Variants in PCSK1N observed in about 807,000 individuals in gnomAD.
PCSK1N encodes proprotein convertase subtilisin/kexin type 1 inhibitor, also known as proSAAS.
In PCSK1N, 8 loss-of-function variants were observed where a neutral mutation model predicts 10.6. The observed-to-expected ratio is 0.76, with a 90% CI of 0.44 to 1.37. PCSK1N has a LOEUF of 1.37. PCSK1N is among the 40% of genes most tolerant of loss of function. The probability of loss-of-function intolerance (pLI) is 0.00; values close to 1 mark genes in which losing one functional copy is unlikely to be tolerated. For synonymous variants in PCSK1N, 143 were observed against 137.1 expected (o/e 1.04, Z -0.30); for missense variants, 301 against 268.5 (o/e 1.12, Z -0.84).
intron 1 of PCSK1N, among the ~76,000 whole-genome samples, chrX:48,833,895 G>C (rs1404755527): frequency 9.0e-6 from 1 of 110,854 alleles, no homozygotes; most frequent in Non-Finnish European, 1.9e-5. Context: ...ATAGAGCCAA[G>C]GGAAAAAAAA....
In PCSK1N at chrX:48,831,204, T is replaced by C; in HGVS notation, c.*56A>G. The C allele has an allele frequency of 1.0e-6, 1 of 994,005 alleles. No individual in the cohort carries two copies. The highest frequency in any genetic ancestry group is 1.3e-6 in the Non-Finnish European group (1 of 743,197). 81.9% of individuals were successfully genotyped at this position (994,005 alleles called of 1,213,427 possible). ...ACGTGCTGGCGGGGAGCAGTCCTGG[T>C]GGCGGGATGGCGGGGGCACTTCTGG... On this transcript the variant is annotated 3_prime_UTR_variant, in exon 3 of 3. Coordinates refer to ENST00000218230, the MANE Select transcript of PCSK1N (RefSeq NM_013271.5).
chrX:48,832,805 TCAAA>T (rs1403661465), intron 1 of PCSK1N, among the ~76,000 whole-genome samples: 1 of 110,964 alleles, frequency 9.0e-6, no homozygotes, highest in Non-Finnish European at 1.9e-5. Context: ...CAAGCAGTTT[TCAAA>T]CAATTTCCAC....
rs782001817 is a variant in PCSK1N, at chrX:48,832,193, T to A, written c.263A>T (p.Gln88Leu). Residue 88 changes from glutamine to leucine, a missense_variant, in exon 2 of 3, where the codon CAG (glutamine) becomes CTG (leucine). Gln to Leu is a moderately radical substitution (Grantham distance 113). Coordinates refer to ENST00000218230, the MANE Select transcript of PCSK1N (RefSeq NM_013271.5). ...ALAHLLEAERQERARAEAQEA... is the reference protein window; with the variant it reads ...ALAHLLEAERLERARAEAQEA... ...CTGCGCCTCGGCCCGCGCCCGCTCCTGACGTTCGGCCTCCAGCAGATGCGC... is the reference window on the plus strand; with the variant it reads ...CTGCGCCTCGGCCCGCGCCCGCTCCAGACGTTCGGCCTCCAGCAGATGCGC... 1.7e-6 allele frequency: 2 copies of A among 1,160,329 alleles called. No individual in the cohort carries two copies. The highest frequency in any genetic ancestry group is 2.3e-6 in the Non-Finnish European group (2 of 876,208).
At chrX:48,832,571 G>T (rs1557033693) in intron 1 of PCSK1N, among the ~76,000 whole-genome samples, 1 of 28,343 alleles carries the variant, frequency 3.5e-5, no homozygotes, top group African/African-American at 1.5e-4. Flanking sequence ...CCCACAGCGC[G>T]CCAGTGATCC....
chrX:48,831,385 G>A lies in PCSK1N; in HGVS notation c.658C>T (p.Arg220Cys). The A allele has an allele frequency of 9.0e-7, 1 of 1,107,326 alleles. No individual in the cohort carries two copies. Among genetic ancestry groups the A allele is most frequent in the Admixed American group, 3.2e-5 (1 of 31,660 alleles). The allele number at this position is 1,107,326 out of a possible 1,213,427, so 91.3% of individuals were successfully genotyped here. A position where few individuals can be genotyped will look rare whatever the true frequency, so the allele number is the denominator to read the frequency against. The stretch of plus-strand genomic sequence containing the variant: ...GAGCCCACATCGTGGTCGGCGGCAC[G>A]GCGGAGGCGGCGCGGGGCTGCCACC... ...EGVAAPRRLR[R>C]AADHDVGSEL... The change falls in exon 3 of 3, where the codon CGT becomes TGT. Residue 220 changes from arginine to cysteine, a missense_variant. Coordinates refer to ENST00000218230, the MANE Select transcript of PCSK1N (RefSeq NM_013271.5).
Position 48,832,095 on chromosome X carries a change from G to A in PCSK1N, c.361C>T (p.Pro121Ser). 1 of 1,124,505 alleles carries A rather than the reference G, an allele frequency of 8.9e-7. No individual in the cohort carries two copies. 92.7% of individuals were successfully genotyped at this position (1,124,505 alleles called of 1,213,427 possible). A position where few individuals can be genotyped will look rare whatever the true frequency, so the allele number is the denominator to read the frequency against. The change falls in exon 2 of 3, where the codon CCG becomes TCG. Residue 121 changes from proline (P) to serine (S), a missense_variant. Physicochemically the swap from Pro to Ser is moderately conservative, Grantham distance 74. Transcript: ENST00000218230. ...RVWGAPRNSD[P>S]ALGLDDDPDA... Reference sequence around the variant, plus strand: ...GGGTCGTCGTCCAGGCCCAGAGCCGGATCAGAGTTGCGGGGGGCGCCCCAG... The same window carrying A: ...GGGTCGTCGTCCAGGCCCAGAGCCGAATCAGAGTTGCGGGGGGCGCCCCAG...
At chrX:48,832,363 GAA>G (rs1800698131) in intron 1 of PCSK1N, 22 bp from the exon 2 acceptor site, 8 of 1,084,047 alleles carry the variant, frequency 7.4e-6, no homozygotes, top group Middle Eastern at 2.9e-4. Context: ...TGAGGTGGGG[GAA>G]AAGAGTTTGT....
Position 48,835,443 on chromosome X carries a change from G to T in PCSK1N, c.90C>A (p.Pro30=). The change falls in exon 1 of 3, where the codon CCC becomes CCA. Residue 30 remains proline (P), a synonymous_variant. Transcript: ENST00000218230. Reference sequence around the variant, plus strand: ...CCTTTACCGGCCGCGCGCAGAGCGCGGGGGGCGGCCGAAACAGGCCGAGCA... The same window carrying T: ...CCTTTACCGGCCGCGCGCAGAGCGCTGGGGGCGGCCGAAACAGGCCGAGCA... ...LLLLGLFRPP[P]ALCARPVKEP... 2.1e-6 allele frequency: 2 copies of T among 953,745 alleles called. No homozygotes were observed. The highest frequency in any genetic ancestry group is 4.4e-4 in the Middle Eastern group (1 of 2,284). 78.6% of individuals were successfully genotyped at this position (953,745 alleles called of 1,213,427 possible).
intron 2 of PCSK1N, 94 bp from the exon 3 acceptor site, chrX:48,831,549 C>T (rs1478494371): frequency 5.8e-6 from 4 of 691,550 alleles, no homozygotes; most frequent in Non-Finnish European, 7.9e-6. Context: ...TCCACAACCA[C>T]ATACTGCCTG....
chrX:48,833,908 G>A lies in PCSK1N; in HGVS notation c.114+1511C>T, dbSNP rs144002765. On this transcript the variant is annotated intron_variant, in intron 1 of 2. Coordinates refer to ENST00000218230, the MANE Select transcript of PCSK1N (RefSeq NM_013271.5). ...GAATAGAGCCAAGGGAAAAAAAAAC[G>A]TCAAGTTCCAGAATTTCACTGCAGA... Among the ~76,000 whole-genome samples the A allele has an allele frequency of 8.1e-5, 9 of 111,410 alleles. No homozygotes were observed. The South Asian group carries it at 1.5e-3, about 19-fold the overall frequency.
chrX:48,835,317 G>A (rs2063183443), intron 1 of PCSK1N, 102 bp downstream of exon 1: 1 of 370,735 alleles, frequency 2.7e-6, no homozygotes, highest in South Asian at 1.6e-4. Flanking sequence ...CGCACGTCCC[G>A]GGAGCCGGCT....
chrX:48,831,959 G>C lies in PCSK1N; in HGVS notation c.497C>G (p.Pro166Arg), dbSNP rs1181105407. 4 of 1,063,952 alleles carry C rather than the reference G, an allele frequency of 3.8e-6. No homozygotes were observed. In the African/African-American group the frequency reaches 7.8e-5, roughly 21 times the overall value. 87.7% of individuals were successfully genotyped at this position (1,063,952 alleles called of 1,213,427 possible). ...PAPVPAAALR[P>R]RPPVYDDGPA... ...GCCGTCGTCGTAGACCGGGGGCCGG[G>C]GTCGGAGCGCCGCGGCGGGGACGGG... Residue 166 changes from proline (P) to arginine (R), a missense_variant, in exon 2 of 3, where the codon CCC (proline) becomes CGC (arginine). Coordinates refer to ENST00000218230, the MANE Select transcript of PCSK1N (RefSeq NM_013271.5).
intron 1 of PCSK1N, among the ~76,000 whole-genome samples, chrX:48,834,080 T>C (rs1165808992): frequency 7.2e-5 from 8 of 111,036 alleles, no homozygotes; most frequent in Admixed American, 1.9e-4. Context: ...TACACATATG[T>C]GATAAGCTAC....
rs782711131 is a variant in PCSK1N at position 48,831,227 on chromosome X, T to C, written c.*33A>G. The stretch of plus-strand genomic sequence containing the variant: ...GGTGGCGGGATGGCGGGGGCACTTC[T>C]GGGTCCCAGGGTGCACGGGATCCGG... On this transcript the variant is annotated 3_prime_UTR_variant, in exon 3 of 3. Coordinates refer to ENST00000218230, the MANE Select transcript of PCSK1N (RefSeq NM_013271.5). 43 of 1,109,850 alleles carry C rather than the reference T, an allele frequency of 3.9e-5. 1 individual carries two copies. In the East Asian group the frequency reaches 1.4e-3, roughly 37 times the overall value. 91.5% of individuals were successfully genotyped at this position (1,109,850 alleles called of 1,213,427 possible). A position where few individuals can be genotyped will look rare whatever the true frequency, so the allele number is the denominator to read the frequency against.
chrX:48,834,163 AGGGGCACGCAGGG>A (rs1229090162), intron 1 of PCSK1N, among the ~76,000 whole-genome samples: 1 of 111,802 alleles, frequency 8.9e-6, no homozygotes, highest in African/African-American at 3.2e-5. Context: ...TGCCATGGCG[AGGGGCACGCAGGG>A]GCTTCTAACT....
chrX:48,832,285 G>A lies in PCSK1N; in HGVS notation c.171C>T (p.Arg57=). Residue 57 remains arginine, a synonymous_variant, in exon 2 of 3, where the codon CGC becomes CGT. Coordinates refer to ENST00000218230, the MANE Select transcript of PCSK1N (RefSeq NM_013271.5). ...CTCGGGGCACTGACCGCCGGAAGCG[G>A]CGAGGAGCGCCAGTCTCAGCCAAGG... ...SPPLAETGAP[R]RFRRSVPRGE... is the part of the protein sequence containing the mutation. The A allele has an allele frequency of 8.7e-7, 1 of 1,149,564 alleles. No homozygotes were observed. 94.7% of individuals were successfully genotyped at this position (1,149,564 alleles called of 1,213,427 possible).
rs1569506862 is a variant in PCSK1N, at chrX:48,832,224, C to G, written c.232G>C (p.Ala78Pro). ...TCGGCCTCCAGCAGATGCGCCAGCG[C>G]CCGCGCCAGCTCCTGCACCGCCCCC... ...AAGAVQELAR[A>P]LAHLLEAERQ... The change falls in exon 2 of 3, where the codon GCG (alanine) becomes CCG (proline). Residue 78 changes from alanine (A) to proline (P), a missense_variant. Coordinates refer to ENST00000218230, the MANE Select transcript of PCSK1N (RefSeq NM_013271.5). The G allele has an allele frequency of 1.7e-6, 2 of 1,154,833 alleles. No homozygotes were observed. The highest frequency in any genetic ancestry group is 2.3e-6 in the Non-Finnish European group (2 of 872,466).
chrX:48,832,309 G>A lies in PCSK1N; in HGVS notation c.147C>T (p.Pro49=), dbSNP rs1159306523. ...EPRGLSAASP[P]LAETGAPRRF... Reference sequence around the variant, plus strand: ...GGCGAGGAGCGCCAGTCTCAGCCAAGGGCGGAGACGCTGCGCTTAGGCCGC... The same window carrying A: ...GGCGAGGAGCGCCAGTCTCAGCCAAAGGCGGAGACGCTGCGCTTAGGCCGC... Residue 49 remains proline (P), a synonymous_variant, in exon 2 of 3, where the codon CCC becomes CCT. Coordinates refer to ENST00000218230, the MANE Select transcript of PCSK1N (RefSeq NM_013271.5). 8.8e-7 allele frequency: 1 copy of A among 1,137,829 alleles called. No individual in the cohort carries two copies. Among genetic ancestry groups the A allele is most frequent in the Non-Finnish European group, 1.2e-6 (1 of 860,289 alleles). The allele number at this position is 1,137,829 out of a possible 1,213,427, so 93.8% of individuals were successfully genotyped here. A position where few individuals can be genotyped will look rare whatever the true frequency, so the allele number is the denominator to read the frequency against.
chrX:48,834,015 G>A (rs2063180157), intron 1 of PCSK1N, among the ~76,000 whole-genome samples: 1 of 111,540 alleles, frequency 9.0e-6, no homozygotes, highest in Non-Finnish European at 1.9e-5. Flanking sequence ...GTATGATTCC[G>A]TTTCAATGAT....
Sources: allele counts gnomAD v4.1 joint callset (sites outside exome capture counted in the v4.1 genomes callset), GRCh38; gene constraint gnomAD v4.1.1; transcripts MANE v1.5; gene names NCBI Gene and HGNC (gene_info 2026-07-23, HGNC 2026-07-21).